FANCC: variants seen among roughly 807,000 people sequenced by gnomAD.
FANCC encodes Fanconi anemia group C protein.
A neutral mutation model predicts 71.3 loss-of-function variants in FANCC; 55 were observed. That is an observed-to-expected ratio of 0.77 (90% CI 0.62 to 0.97). The LOEUF (loss-of-function observed/expected upper bound fraction) is 0.97, where lower values mean the gene tolerates loss of function less well. Among genes scored for constraint, FANCC ranks in the 50% least tolerant of loss-of-function variants. The pLI, the probability that FANCC is intolerant of heterozygous loss-of-function variation, is 0.00. For synonymous variants in FANCC, 275 were observed against 244.9 expected (o/e 1.12, Z -1.15); for missense variants, 678 against 670.9 (o/e 1.01, Z -0.12).
intron 6 of FANCC, among the ~76,000 whole-genome samples, chr9:95,164,304 T>C (rs1406385033): frequency 6.6e-6 from 1 of 152,214 alleles, no homozygotes; most frequent in Admixed American, 6.5e-5. Context: ...CCAATTCCTC[T>C]GACAAGGACT....
At chr9:95,155,278 A>AGGGGAGGAAAGGGGC in intron 6 of FANCC, among the ~76,000 whole-genome samples, 1 of 62,880 alleles carries the variant, frequency 1.6e-5, no homozygotes, top group South Asian at 1.1e-3. Flanking sequence ...AGGAAAGGGG[A>AGGGGAGGAAAGGGGC]GGGGAAGGAA....
At chr9:95,164,103 G>T (rs1185760371) in intron 6 of FANCC, among the ~76,000 whole-genome samples, 18 of 152,138 alleles carry the variant, frequency 1.2e-4, no homozygotes. Context: ...CTGGTTTTGT[G>T]TGTTGATTTT....
intron 4 of FANCC, among the ~76,000 whole-genome samples, chr9:95,224,385 C>T (rs1168390880): frequency 1.3e-5 from 2 of 152,106 alleles, no homozygotes; most frequent in Non-Finnish European, 2.9e-5. Context: ...AGTTCTCTCA[C>T]CTATAAACAC....
In FANCC at chr9:95,144,858, G is replaced by A. The variant is rs1016647331; in HGVS notation, c.686+5065C>T. Among the ~76,000 whole-genome samples, 26 of 152,174 alleles carry A rather than the reference G, an allele frequency of 1.7e-4. 1 individual carries two copies. Among genetic ancestry groups the A allele is most frequent in the Admixed American group, 1.3e-4 (2 of 15,276 alleles). ...TAAGGAAAGAATCGAGCGCCGCGCCGCACGTTCACAACGCCCTTTACTCAG... is the reference window on the plus strand; with the variant it reads ...TAAGGAAAGAATCGAGCGCCGCGCCACACGTTCACAACGCCCTTTACTCAG... On this transcript the variant is annotated intron_variant, in intron 7 of 14. Coordinates refer to ENST00000289081, the MANE Select transcript of FANCC (RefSeq NM_000136.3).
intron 1 of FANCC, among the ~76,000 whole-genome samples, chr9:95,268,662 G>A (rs1349689952): frequency 1.3e-5 from 2 of 152,110 alleles, no homozygotes; most frequent in Non-Finnish European, 2.9e-5. Context: ...AATACACATC[G>A]TAATTGTTTG....
At chr9:95,112,857 G>C (rs2072062512) in intron 12 of FANCC, among the ~76,000 whole-genome samples, 2 of 152,228 alleles carry the variant, frequency 1.3e-5, no homozygotes, top group African/African-American at 4.8e-5. Flanking sequence ...TCTAAGTCCT[G>C]TTCTGCAGCA....
intron 4 of FANCC, among the ~76,000 whole-genome samples, chr9:95,196,181 C>T (rs1220337869): frequency 6.6e-6 from 1 of 152,014 alleles, no homozygotes. Context: ...TGTTTCTGGT[C>T]TTGGGGGGAA....
At chr9:95,110,133 C>A in intron 13 of FANCC, 2 of 509,058 alleles carry the variant, frequency 3.9e-6, no homozygotes, top group Non-Finnish European at 5.1e-6. Context: ...CCTAGGCATC[C>A]CCTGAGGGAG....
At chr9:95,125,386 G>A (rs55649420) in intron 9 of FANCC, among the ~76,000 whole-genome samples, 110 of 152,286 alleles carry the variant, frequency 7.2e-4, no homozygotes, top group African/African-American at 2.5e-3. Flanking sequence ...AAATTGCAAC[G>A]TGCAGAGCTC....
chr9:95,180,165 C>G (rs998534936), intron 4 of FANCC, among the ~76,000 whole-genome samples: 1 of 151,936 alleles, frequency 6.6e-6, no homozygotes. Context: ...GAGGCCTACA[C>G]AGGGTCAGGT....
intron 4 of FANCC, among the ~76,000 whole-genome samples, chr9:95,192,316 A>T (rs1827164855): frequency 6.6e-6 from 1 of 152,158 alleles, no homozygotes; most frequent in Non-Finnish European, 1.5e-5. Flanking sequence ...GAGACAAGCA[A>T]GTCTGTTACA....
chr9:95,135,691 C>G, intron 7 of FANCC, 189 bp from the exon 8 acceptor site: 1 of 601,558 alleles, frequency 1.7e-6, no homozygotes, highest in Non-Finnish European at 3.0e-6. Flanking sequence ...TGTGAATATG[C>G]TTCCACTTCA....
chr9:95,180,232 G>T (rs1199838703), intron 4 of FANCC, among the ~76,000 whole-genome samples: 1 of 152,000 alleles, frequency 6.6e-6, no homozygotes, highest in Non-Finnish European at 1.5e-5. Context: ...GTCTTCAGGG[G>T]CAATAACAAT....
rs761639538 is a variant in FANCC at position 95,172,029 on chromosome 9, A to G, written c.456+8T>C. The stretch of plus-strand genomic sequence containing the variant: ...ACATTTCAAAAGTGATAAATTTTAA[A>G]TACTCACATTTTTAAGCAAACCAGG... On this transcript the variant is annotated splice_region_variant and intron_variant, in intron 5 of 14. Coordinates refer to ENST00000289081, the MANE Select transcript of FANCC (RefSeq NM_000136.3). 14 of 1,526,748 alleles carry G rather than the reference A, an allele frequency of 9.2e-6. No individual in the cohort carries two copies. Among genetic ancestry groups the G allele is most frequent in the African/African-American group, 1.4e-5 (1 of 72,938 alleles). 94.6% of individuals were successfully genotyped at this position (1,526,748 alleles called of 1,614,324 possible). A position where few individuals can be genotyped will look rare whatever the true frequency, so the allele number is the denominator to read the frequency against.
intron 13 of FANCC, among the ~76,000 whole-genome samples, chr9:95,108,216 G>C (rs958897100): frequency 3.3e-5 from 5 of 152,178 alleles, no homozygotes; most frequent in African/African-American, 1.2e-4. Flanking sequence ...TGTTGTGTGA[G>C]CTCCTCTGAC....
At chr9:95,111,329 G>T (rs1369457590) in intron 13 of FANCC, 134 bp downstream of exon 13, 1 of 1,597,260 alleles carries the variant, frequency 6.3e-7, no homozygotes, top group Non-Finnish European at 8.5e-7. Context: ...CCTGCAGGTT[G>T]CCATGACATA....
intron 6 of FANCC, among the ~76,000 whole-genome samples, chr9:95,161,354 C>T (rs1157831863): frequency 6.6e-6 from 1 of 151,366 alleles, no homozygotes; most frequent in Non-Finnish European, 1.5e-5. Flanking sequence ...CCTCTAAGGC[C>T]CAGAATACAA....
At chr9:95,105,184 G>A (rs2071350288) in intron 14 of FANCC, among the ~76,000 whole-genome samples, 2 of 152,190 alleles carry the variant, frequency 1.3e-5, no homozygotes, top group Non-Finnish European at 2.9e-5. Context: ...GCACAGCCTG[G>A]GCCCACTCCA....
chr9:95,254,858 T>C (rs1831563347), intron 1 of FANCC, among the ~76,000 whole-genome samples: 1 of 152,194 alleles, frequency 6.6e-6, no homozygotes, highest in Non-Finnish European at 1.5e-5. Flanking sequence ...CACAGCAGTC[T>C]GAAGTCAACC....
Sources: allele counts gnomAD v4.1 joint callset (sites outside exome capture counted in the v4.1 genomes callset), GRCh38; gene constraint gnomAD v4.1.1; transcripts MANE v1.5; gene names NCBI Gene and HGNC (gene_info 2026-07-23, HGNC 2026-07-21).